GRID2: variants seen among roughly 807,000 people sequenced by gnomAD.
GRID2 encodes glutamate receptor ionotropic, delta-2.
A neutral mutation model predicts 114.8 loss-of-function variants in GRID2; 33 were observed. That is an observed-to-expected ratio of 0.29 (90% CI 0.22 to 0.38). The LOEUF is 0.38. Ranked by LOEUF, GRID2 falls within the 10% of genes least tolerant of loss-of-function variation. GRID2 has a pLI of 1.00. For synonymous variants in GRID2, 505 were observed against 449.9 expected, an observed-to-expected ratio of 1.12 and a Z score of -1.55; for missense variants, 1,184 against 1,257.7, an observed-to-expected ratio of 0.94 and a Z score of 0.89.
intron 2 of GRID2, among the ~76,000 whole-genome samples, chr4:92,696,592 G>C (rs1371088184): frequency 2.0e-5 from 3 of 152,054 alleles, no homozygotes; most frequent in African/African-American, 7.2e-5. Context: ...TCATGCTAAA[G>C]TCACCCAAAT....
chr4:92,794,212 C>T (rs993667938), intron 2 of GRID2, among the ~76,000 whole-genome samples: 3 of 151,794 alleles, frequency 2.0e-5, no homozygotes, highest in African/African-American at 7.3e-5. Flanking sequence ...AACTCCTGGG[C>T]TCAAGTGATC....
chr4:93,113,550 G>A (rs1004173446), intron 4 of GRID2, among the ~76,000 whole-genome samples: 4 of 152,156 alleles, frequency 2.6e-5, no homozygotes, highest in East Asian at 1.9e-4. Context: ...CCAGTTCATC[G>A]TAGAAACTAT....
intron 2 of GRID2, among the ~76,000 whole-genome samples, chr4:92,861,198 TA>T (rs1744507939): frequency 6.6e-6 from 1 of 152,064 alleles, no homozygotes; most frequent in African/African-American, 2.4e-5. Flanking sequence ...CTTAACAACT[TA>T]AAAGAATAAC....
At position 93,048,854 on chromosome 4, in the gene GRID2, A is replaced by G. The variant is rs563645063; in HGVS notation, c.245-36141A>G. On this transcript the variant is annotated intron_variant, in intron 2 of 15. Transcript: ENST00000282020. ...TTCCGGAGCATGATTTTATCTGAAT[A>G]TAGTTAAGAATGTAATAGGAAGAAG... Among the ~76,000 whole-genome samples the G allele has an allele frequency of 6.6e-5, 10 of 152,170 alleles. No homozygotes were observed. The South Asian group carries it at 1.2e-3, about 19-fold the overall frequency.
chr4:93,667,853 T>G (rs913378686), intron 14 of GRID2, among the ~76,000 whole-genome samples: 7 of 152,044 alleles, frequency 4.6e-5, no homozygotes, highest in African/African-American at 1.7e-4. Context: ...AAACAAGATT[T>G]AACGTAATGC....
chr4:93,530,240 T>C (rs767063208), intron 13 of GRID2, among the ~76,000 whole-genome samples: 2 of 152,194 alleles, frequency 1.3e-5, no homozygotes, highest in African/African-American at 2.4e-5. Flanking sequence ...AAGTGATCCA[T>C]CTTTGCTCAA....
At chr4:92,895,835 A>G (rs1007051601) in intron 2 of GRID2, among the ~76,000 whole-genome samples, 7 of 152,306 alleles carry the variant, frequency 4.6e-5, no homozygotes, top group Admixed American at 2.0e-4. Flanking sequence ...AAATCTAGTA[A>G]GTATCAATCA....
chr4:93,309,573 G>T (rs1008172424), intron 8 of GRID2, among the ~76,000 whole-genome samples: 7 of 151,384 alleles, frequency 4.6e-5, no homozygotes, highest in Non-Finnish European at 7.4e-5. Flanking sequence ...AAATAAAAAA[G>T]AAGAAGAATT....
intron 1 of GRID2, among the ~76,000 whole-genome samples, chr4:93,781,108 A>G (rs1239621168): frequency 6.6e-6 from 1 of 152,224 alleles, no homozygotes; most frequent in Non-Finnish European, 1.5e-5. Context: ...TGGCAAAGTC[A>G]GAATATCTAG....
At chr4:92,947,597 A>G (rs1751730792) in intron 2 of GRID2, among the ~76,000 whole-genome samples, 2 of 151,970 alleles carry the variant, frequency 1.3e-5, no homozygotes, top group African/African-American at 4.8e-5. Context: ...AAGAAATGTT[A>G]GATAGCATTG....
Position 93,159,340 on chromosome 4 carries a change from A to G in GRID2, c.736-48064A>G, listed in dbSNP as rs114591900. Among the ~76,000 whole-genome samples the G allele has an allele frequency of 7.7e-3, 1,163 of 151,972 alleles. 14 individuals are homozygous for G. The highest frequency in any genetic ancestry group is 0.027 in the African/African-American group (1,103 of 41,520). On this transcript the variant is annotated intron_variant, in intron 4 of 15. Coordinates refer to ENST00000282020, the MANE Select transcript of GRID2 (RefSeq NM_001510.4). ...GGATCCAGGACTATCTGTAGAAGCT[A>G]AGAATCATAGTGCTGAGAAAAGCAA...
intron 2 of GRID2, among the ~76,000 whole-genome samples, chr4:92,668,570 C>CT (rs1369709386): frequency 6.6e-6 from 1 of 151,758 alleles, no homozygotes; most frequent in African/African-American, 2.4e-5. Context: ...TGTGAGCCAA[C>CT]TAGGTAGATT....
chr4:93,720,916 C>G (rs1729312643), intron 14 of GRID2, among the ~76,000 whole-genome samples: 1 of 152,146 alleles, frequency 6.6e-6, no homozygotes, highest in Non-Finnish European at 1.5e-5. Flanking sequence ...GTTGCTGCTG[C>G]TGCTGTTTTC....
chr4:93,480,156 A>C (rs1389965338), intron 11 of GRID2, among the ~76,000 whole-genome samples: 1 of 152,096 alleles, frequency 6.6e-6, no homozygotes, highest in Non-Finnish European at 1.5e-5. Context: ...AGAATACTTA[A>C]ATAAGCTATA....
chr4:93,236,964 T>C (rs1434579229), intron 7 of GRID2, among the ~76,000 whole-genome samples: 1 of 152,036 alleles, frequency 6.6e-6, no homozygotes, highest in Non-Finnish European at 1.5e-5. Context: ...TCTTACCACA[T>C]GTCAAGAACT....
chr4:92,549,019 TTTGG>T (rs1489840696), intron 1 of GRID2, among the ~76,000 whole-genome samples: 1 of 151,684 alleles, frequency 6.6e-6, no homozygotes, highest in Non-Finnish European at 1.5e-5. Context: ...GAAAATGAGA[TTTGG>T]TTGGTACATG....
intron 1 of GRID2, among the ~76,000 whole-genome samples, chr4:93,799,731 GTTTC>G (rs1394208043): frequency 1.3e-5 from 2 of 152,026 alleles, no homozygotes; most frequent in East Asian, 1.9e-4. Flanking sequence ...TATATCCTTT[GTTTC>G]TTTATGTAAT....
intron 4 of GRID2, among the ~76,000 whole-genome samples, chr4:93,167,011 A>G (rs1404158881): frequency 6.6e-6 from 1 of 152,142 alleles, no homozygotes; most frequent in Non-Finnish European, 1.5e-5. Flanking sequence ...ACTACAGTTA[A>G]TGGGAGCAAG....
chr4:93,075,698 C>CA (rs1729203329), intron 2 of GRID2, among the ~76,000 whole-genome samples: 1 of 151,558 alleles, frequency 6.6e-6, no homozygotes, highest in Non-Finnish European at 1.5e-5. Context: ...ATAAAAGTAC[C>CA]ACTTAAAATA....
Sources: allele counts gnomAD v4.1 joint callset (sites outside exome capture counted in the v4.1 genomes callset), GRCh38; gene constraint gnomAD v4.1.1; transcripts MANE v1.5; gene names NCBI Gene and HGNC (gene_info 2026-07-23, HGNC 2026-07-21).